Variants in LYPD5 observed in about 807,000 individuals in gnomAD.
LYPD5 encodes the protein ly6/PLAUR domain-containing protein 5.
A neutral mutation model predicts 19.1 loss-of-function variants in LYPD5; 21 were observed. The observed-to-expected ratio is 1.10, with a 90% CI of 0.78 to 1.58. LYPD5 has a LOEUF of 1.58. Ranked by LOEUF, LYPD5 falls within the 40% of genes most tolerant of loss-of-function variation. The pLI, the probability that LYPD5 is intolerant of heterozygous loss-of-function variation, is 0.00. For synonymous variants in LYPD5, 128 were observed against 142.7 expected (o/e 0.90, Z 0.74); for missense variants, 287 against 329.8 (o/e 0.87, Z 1.00).
At position 43,798,990 on chromosome 19, in the gene LYPD5, T is replaced by C; in HGVS notation, c.194-2A>G. ...CCAGGGTCACCGGCGCGCGATACCC[T>C]GGGGGCGGGATCGGGGCTCGTGCTC... On this transcript the variant is annotated splice_acceptor_variant, in intron 2 of 4. Transcript: ENST00000377950. LOFTEE classifies it high-confidence loss of function. 1.9e-6 allele frequency: 3 copies of C among 1,564,172 alleles called. No individual in the cohort carries two copies. The highest frequency in any genetic ancestry group is 2.3e-5 in the East Asian group (1 of 42,828).
chr19:43,814,822 T>A (rs1442955808), intron 1 of LYPD5, among the ~76,000 whole-genome samples: 5 of 152,216 alleles, frequency 3.3e-5, no homozygotes, highest in African/African-American at 7.2e-5. Context: ...TACAATGAAT[T>A]AATACTGTGC....
upstream of LYPD5, among the ~76,000 whole-genome samples, chr19:43,806,562 T>G (rs1265801277): frequency 6.6e-6 from 1 of 152,032 alleles, no homozygotes; most frequent in Non-Finnish European, 1.5e-5. Flanking sequence ...CTCAGGAGGC[T>G]GAGGCAAGAG....
At chr19:43,798,380 C>T in intron 4 of LYPD5, 75 bp downstream of exon 4, 1 of 1,552,776 alleles carries the variant, frequency 6.4e-7, no homozygotes, top group Non-Finnish European at 8.7e-7. Flanking sequence ...TTGGGCCTGT[C>T]TGGTATCACT....
chr19:43,804,188 C>T (rs149335978), upstream of LYPD5, among the ~76,000 whole-genome samples: 4 of 152,204 alleles, frequency 2.6e-5, no homozygotes, highest in Non-Finnish European at 5.9e-5. Context: ...CTCTTGCCAG[C>T]GTTACAACCC....
upstream of LYPD5, among the ~76,000 whole-genome samples, chr19:43,804,900 T>C (rs1238724063): frequency 6.6e-6 from 1 of 152,194 alleles, no homozygotes; most frequent in African/African-American, 2.4e-5. Context: ...GCTTACAGGG[T>C]AGGCAGACCA....
Position 43,799,689 on chromosome 19 carries a change from C to A in LYPD5, c.193+17G>T. 1 of 1,608,520 alleles carries A rather than the reference C, an allele frequency of 6.2e-7. No individual in the cohort carries two copies. The highest frequency in any genetic ancestry group is 8.5e-7 in the Non-Finnish European group (1 of 1,177,710). ...TCCCTAATCTCTCATCCCTGTCCCCCGGCTCCCGCTCCTTACCGGTGTCCA... is the reference window on the plus strand; with the variant it reads ...TCCCTAATCTCTCATCCCTGTCCCCAGGCTCCCGCTCCTTACCGGTGTCCA... On this transcript the variant is annotated intron_variant, in intron 2 of 4. Transcript: ENST00000377950.
rs1970148354 is a variant in LYPD5, at chr19:43,797,522, A to T, written c.*69T>A. ...CTTTAACATCATTTTCCAGTGAGCT[A>T]TGTGATAGGGGCTGAAGCAGCAAGA... On this transcript the variant is annotated 3_prime_UTR_variant, in exon 5 of 5. Coordinates refer to ENST00000377950, the MANE Select transcript of LYPD5 (RefSeq NM_001031749.3). 5 of 1,202,104 alleles carry T rather than the reference A, an allele frequency of 4.2e-6. No individual in the cohort carries two copies. The East Asian group carries it at 1.2e-4, about 28-fold the overall frequency. 74.5% of individuals were successfully genotyped at this position (1,202,104 alleles called of 1,614,324 possible). A position where few individuals can be genotyped will look rare whatever the true frequency, so the allele number is the denominator to read the frequency against.
intron 2 of LYPD5, 114 bp downstream of exon 2, chr19:43,799,592 T>C (rs1407668211): frequency 6.2e-6 from 7 of 1,131,252 alleles, no homozygotes; most frequent in Non-Finnish European, 8.6e-6. Flanking sequence ...TCCCTCCCCA[T>C]CTTTCTATCT....
intron 1 of LYPD5, among the ~76,000 whole-genome samples, chr19:43,815,394 G>A (rs778847210): frequency 1.9e-4 from 29 of 150,980 alleles, no homozygotes; most frequent in African/African-American, 6.3e-4. Flanking sequence ...GGCAACACAC[G>A]GAGACCCCGT....
chr19:43,805,536 C>T (rs1161689236), upstream of LYPD5, among the ~76,000 whole-genome samples: 4 of 152,154 alleles, frequency 2.6e-5, no homozygotes, highest in African/African-American at 9.7e-5. Flanking sequence ...GAGACCGAGT[C>T]TCACTCTGTT....
intron 1 of LYPD5, among the ~76,000 whole-genome samples, chr19:43,809,405 A>G (rs1223516476): frequency 7.0e-6 from 1 of 143,102 alleles, no homozygotes; most frequent in Non-Finnish European, 1.5e-5. Context: ...TTTAAGACAG[A>G]GCTTCGTTCT....
At chr19:43,818,190 G>A (rs1157401100) in intron 1 of LYPD5, among the ~76,000 whole-genome samples, 3 of 152,178 alleles carry the variant, frequency 2.0e-5, no homozygotes, top group African/African-American at 7.2e-5. Context: ...TAAGTAACAA[G>A]CTTGAAATCC....
chr19:43,812,355 A>G (rs1007756765), intron 1 of LYPD5, among the ~76,000 whole-genome samples: 13 of 139,904 alleles, frequency 9.3e-5, no homozygotes, highest in Middle Eastern at 7.1e-3. Context: ...CTATCTATCT[A>G]TCTATCTATC....
chr19:43,798,962 G>A lies in LYPD5; in HGVS notation c.220C>T (p.Arg74Trp). The A allele has an allele frequency of 1.3e-6, 2 of 1,581,438 alleles. No homozygotes were observed. Among genetic ancestry groups the A allele is most frequent in the East Asian group, 2.3e-5 (1 of 43,560 alleles). The change falls in exon 3 of 5, where the codon CGG becomes TGG. Residue 74 changes from arginine (R) to tryptophan (W), a missense_variant. Transcript: ENST00000377950. Reference sequence around the variant, plus strand: ...GGAGGCCCGGTCCAGCAGCCCTTCCGCACCAGGGTCACCGGCGCGCGATAC... The same window carrying A: ...GGAGGCCCGGTCCAGCAGCCCTTCCACACCAGGGTCACCGGCGCGCGATAC... The part of the protein sequence containing the change: ...TGYRAPVTLV[R>W]KGCWTGPPAG...
chr19:43,809,002 G>C (rs534442493), intron 1 of LYPD5, among the ~76,000 whole-genome samples: 66 of 152,228 alleles, frequency 4.3e-4, no homozygotes, highest in African/African-American at 1.6e-3. Flanking sequence ...CATTCTTTGT[G>C]GATGATTAAT....
intron 1 of LYPD5, among the ~76,000 whole-genome samples, chr19:43,818,833 G>A (rs1970394792): frequency 6.6e-6 from 1 of 152,204 alleles, no homozygotes; most frequent in Non-Finnish European, 1.5e-5. Context: ...TCTGAGCCTG[G>A]TGATGATTAG....
intron 1 of LYPD5, among the ~76,000 whole-genome samples, chr19:43,816,747 C>T (rs1267593845): frequency 6.6e-6 from 1 of 152,166 alleles, no homozygotes; most frequent in Non-Finnish European, 1.5e-5. Flanking sequence ...ATTGTAGCTC[C>T]CATAATTCCC....
intron 1 of LYPD5, among the ~76,000 whole-genome samples, chr19:43,801,013 C>A (rs1259318496): frequency 6.8e-6 from 1 of 146,200 alleles, no homozygotes; most frequent in Non-Finnish European, 1.5e-5. Context: ...ATGTATAGAC[C>A]CATGTAACAC....
chr19:43,802,557 A>C, upstream of LYPD5: 1 of 317,762 alleles, frequency 3.1e-6, no homozygotes, highest in Non-Finnish European at 5.3e-6. Flanking sequence ...GGTGATCCTC[A>C]GTTGCTGGAG....
Sources: allele counts gnomAD v4.1 joint callset (sites outside exome capture counted in the v4.1 genomes callset), GRCh38; gene constraint gnomAD v4.1.1; transcripts MANE v1.5; gene names NCBI Gene and HGNC (gene_info 2026-07-23, HGNC 2026-07-21).